Variants in RYR2 observed in about 807,000 individuals in gnomAD.
RYR2 encodes ryanodine receptor 2.
RYR2 carries 227 observed loss-of-function variants against 601.1 expected under a neutral mutation model. The ratio of observed to expected loss-of-function variants is 0.38; its 90% CI spans 0.34 to 0.42. The LOEUF is 0.42. Among genes scored for constraint, RYR2 ranks in the 10% least tolerant of loss-of-function variants. RYR2 has a pLI of 1.00. For synonymous variants in RYR2, 2,223 were observed against 2,175.1 expected (o/e 1.02, Z -0.61); for missense variants, 4,646 against 6,156.5 (o/e 0.75, Z 8.21).
At chr1:237,508,470 A>AC (rs1447028841) in intron 23 of RYR2, among the ~76,000 whole-genome samples, 1 of 151,126 alleles carries the variant, frequency 6.6e-6, no homozygotes, top group Non-Finnish European at 1.5e-5. Flanking sequence ...AAAAAAAAAA[A>AC]AACAAACAAA....
chr1:237,442,377 A>G (rs1707988523), intron 13 of RYR2, among the ~76,000 whole-genome samples: 1 of 152,214 alleles, frequency 6.6e-6, no homozygotes, highest in South Asian at 2.1e-4. Context: ...ACCAATAACC[A>G]TCCACATACC....
intron 74 of RYR2, 151 bp from the exon 75 acceptor site, chr1:237,726,122 G>A: frequency 1.6e-6 from 1 of 632,962 alleles, no homozygotes; most frequent in Non-Finnish European, 2.8e-6. Context: ...CGTTAAACAA[G>A]TTGCCTCGTG....
intron 101 of RYR2, among the ~76,000 whole-genome samples, chr1:237,820,340 A>T (rs932636358): frequency 6.6e-6 from 1 of 152,052 alleles, no homozygotes; most frequent in Admixed American, 6.5e-5. Context: ...TCTCACTGGG[A>T]CTGGTTGGAC....
intron 100 of RYR2, among the ~76,000 whole-genome samples, chr1:237,816,856 CA>C (rs753677518): frequency 1.3e-5 from 2 of 152,122 alleles, no homozygotes; most frequent in Admixed American, 6.5e-5. Context: ...AAAACTACAG[CA>C]GTAGCTTCAG....
chr1:237,184,508 G>A (rs1238342361), intron 1 of RYR2, among the ~76,000 whole-genome samples: 7 of 152,126 alleles, frequency 4.6e-5, no homozygotes, highest in Admixed American at 2.0e-4. Flanking sequence ...AGAGACTTAC[G>A]TAACTCATTT....
chr1:237,664,801 T>G (rs1403505737), intron 56 of RYR2, among the ~76,000 whole-genome samples: 1 of 152,172 alleles, frequency 6.6e-6, no homozygotes, highest in African/African-American at 2.4e-5. Flanking sequence ...TTAGGTGAGG[T>G]AAAGACCATA....
At chr1:237,609,208 TC>T (rs1430063131) in intron 35 of RYR2, among the ~76,000 whole-genome samples, 6 of 115,718 alleles carry the variant, frequency 5.2e-5, no homozygotes, top group Admixed American at 5.2e-4. Flanking sequence ...ATCTTCCTTG[TC>T]CCCATCCCTT....
intron 1 of RYR2, among the ~76,000 whole-genome samples, chr1:237,082,149 G>T (rs1001260487): frequency 6.6e-6 from 1 of 152,146 alleles, no homozygotes; most frequent in Non-Finnish European, 1.5e-5. Context: ...ATCATGTACT[G>T]TGGGACAGGT....
Position 237,631,615 on chromosome 1 carries a change from T to TAGA in RYR2, c.6555+74_6555+75insAGA. 4 of 118,148 alleles carry TAGA rather than the reference T, an allele frequency of 3.4e-5. No homozygotes were observed. The South Asian group carries it at 9.3e-4, about 27-fold the overall frequency. 7.3% of individuals were successfully genotyped at this position (118,148 alleles called of 1,614,324 possible). ...ATATAGATTGATATAGAATGCAGAT[T>TAGA]TTTTTTTTTTTTTTTTTTTTTTTTT... On this transcript the variant is annotated intron_variant, in intron 42 of 104. Transcript: ENST00000366574.
At chr1:237,313,141 G>A (rs58713790) in intron 2 of RYR2, among the ~76,000 whole-genome samples, 13,216 of 152,010 alleles carry the variant, frequency 0.087, 1,177 homozygotes, top group African/African-American at 0.22. Context: ...AATAAGATAT[G>A]TAAGTATTGA....
At chr1:237,574,606 T>G (rs1572934290) in intron 29 of RYR2, among the ~76,000 whole-genome samples, 1 of 152,134 alleles carries the variant, frequency 6.6e-6, no homozygotes, top group African/African-American at 2.4e-5. Context: ...ATACAAAATA[T>G]GAGATAAATT....
intron 20 of RYR2, among the ~76,000 whole-genome samples, chr1:237,498,446 G>A (rs1664297558): frequency 3.9e-5 from 6 of 151,910 alleles, no homozygotes; most frequent in African/African-American, 1.5e-4. Flanking sequence ...TAAAACATTT[G>A]AACTATAATC....
At chr1:237,547,219 T>G (rs1034287356) in intron 25 of RYR2, among the ~76,000 whole-genome samples, 1 of 151,868 alleles carries the variant, frequency 6.6e-6, no homozygotes, top group Admixed American at 6.6e-5. Flanking sequence ...TTGGCCAGGC[T>G]GGTCTCGAAC....
intron 10 of RYR2, among the ~76,000 whole-genome samples, chr1:237,394,037 C>G (rs1039638184): frequency 6.6e-6 from 1 of 152,030 alleles, no homozygotes; most frequent in Non-Finnish European, 1.5e-5. Context: ...AGATTAAAAT[C>G]AACATTATAC....
chr1:237,208,984 A>G (rs1233931539), intron 1 of RYR2, among the ~76,000 whole-genome samples: 8 of 117,962 alleles, frequency 6.8e-5, no homozygotes, highest in Middle Eastern at 4.8e-3. Flanking sequence ...ATATATATAT[A>G]TGTATACTGT....
intron 20 of RYR2, 43 bp from the exon 21 acceptor site, chr1:237,500,668 A>G: frequency 6.6e-7 from 1 of 1,507,582 alleles, no homozygotes; most frequent in East Asian, 2.3e-5. Flanking sequence ...ATTCTCTGAG[A>G]TAAAAAAATA....
chr1:237,450,786 A>G (rs934626599), intron 14 of RYR2, among the ~76,000 whole-genome samples: 16 of 152,188 alleles, frequency 1.1e-4, no homozygotes, highest in Non-Finnish European at 1.5e-4. Flanking sequence ...TCTGCTTTTA[A>G]CAATGTCTCT....
intron 86 of RYR2, 58 bp from the exon 87 acceptor site, chr1:237,773,462 G>A: frequency 7.6e-7 from 1 of 1,317,694 alleles, no homozygotes; most frequent in African/African-American, 1.4e-5. Context: ...AGACTGGTTA[G>A]TCAATGGTAA....
rs1349580982 is a variant in RYR2 at position 237,418,531 on chromosome 1, A to C, written c.848+1408A>C. Among the ~76,000 whole-genome samples the C allele has an allele frequency of 3.3e-5, 5 of 152,342 alleles. No homozygotes were observed. In the East Asian group the frequency reaches 9.6e-4, roughly 29 times the overall value. On this transcript the variant is annotated intron_variant, in intron 11 of 104. Coordinates refer to ENST00000366574, the MANE Select transcript of RYR2 (RefSeq NM_001035.3). ...TTCATTATCAGTTTAGATGCATAGA[A>C]TATAACTTCCAGTGTATTTTAAATA...
Sources: allele counts gnomAD v4.1 joint callset (sites outside exome capture counted in the v4.1 genomes callset), GRCh38; gene constraint gnomAD v4.1.1; transcripts MANE v1.5; gene names NCBI Gene and HGNC (gene_info 2026-07-23, HGNC 2026-07-21).